Variants in GNAQ observed in about 807,000 individuals in gnomAD.
GNAQ encodes the protein guanine nucleotide-binding protein G(q) subunit alpha.
In GNAQ, 8 loss-of-function variants were observed where a neutral mutation model predicts 43.9. The observed-to-expected ratio is 0.18, with a 90% confidence interval of 0.11 to 0.33. GNAQ has a LOEUF of 0.33. GNAQ is among the 10% of genes least tolerant of loss of function. The pLI is 1.00. For missense variants in GNAQ, 158 were observed against 450.8 expected (o/e 0.35, Z 5.88); for synonymous variants, 155 against 170.7 (o/e 0.91, Z 0.71).
intron 1 of GNAQ, among the ~76,000 whole-genome samples, chr9:77,986,994 A>G (rs575265997): frequency 6.6e-6 from 1 of 152,270 alleles, no homozygotes; most frequent in East Asian, 1.9e-4. Context: ...TACATATGAA[A>G]GAAATGGTTC....
intron 1 of GNAQ, among the ~76,000 whole-genome samples, chr9:77,945,154 T>C (rs895277841): frequency 1.3e-5 from 2 of 152,268 alleles, no homozygotes; most frequent in Admixed American, 1.3e-4. Context: ...CAAATACAAA[T>C]TGGTTCTTGG....
chr9:77,776,508 T>C (rs1826308381), intron 5 of GNAQ, among the ~76,000 whole-genome samples: 1 of 152,152 alleles, frequency 6.6e-6, no homozygotes, highest in South Asian at 2.1e-4. Flanking sequence ...GTCAATCAAG[T>C]AGGCATAACA....
At chr9:77,769,637 T>C (rs1226047840) in intron 5 of GNAQ, among the ~76,000 whole-genome samples, 1 of 151,932 alleles carries the variant, frequency 6.6e-6, no homozygotes, top group Non-Finnish European at 1.5e-5. Context: ...GAATGACCCT[T>C]TTCTTTAGTA....
rs189861243 is a variant in GNAQ, at chr9:77,941,376, A to C, written c.137-19031T>G. ...GCCATTCTCCTGCCTCAGCCTCCCA[A>C]GTAGCTGGGACTACAGGCACCCACC... On this transcript the variant is annotated intron_variant, in intron 1 of 6. Transcript: ENST00000286548. Among the ~76,000 whole-genome samples, 271 of 152,148 alleles carry C rather than the reference A, an allele frequency of 1.8e-3. 7 individuals are homozygous for C. Among genetic ancestry groups the C allele is most frequent in the Admixed American group, 0.017 (264 of 15,288 alleles).
At chr9:77,749,385 T>C (rs1328526) in intron 5 of GNAQ, among the ~76,000 whole-genome samples, 109,377 of 152,036 alleles carry the variant, frequency 0.72, 39,626 homozygotes, top group Admixed American at 0.82. Context: ...GGTGGTAGAA[T>C]GTTATTCAGG....
intron 2 of GNAQ, among the ~76,000 whole-genome samples, chr9:77,820,850 A>G (rs1827102143): frequency 6.6e-6 from 1 of 152,230 alleles, no homozygotes; most frequent in Non-Finnish European, 1.5e-5. Flanking sequence ...TTCTTCATCT[A>G]TAAGATGGAA....
At chr9:77,894,548 G>A (rs1474556710) in intron 2 of GNAQ, among the ~76,000 whole-genome samples, 3 of 150,068 alleles carry the variant, frequency 2.0e-5, no homozygotes, top group African/African-American at 7.4e-5. Flanking sequence ...TCAGCCTCCC[G>A]AGTAGCTGGG....
intron 3 of GNAQ, among the ~76,000 whole-genome samples, chr9:77,800,490 G>A (rs1201348204): frequency 1.3e-5 from 2 of 151,872 alleles, no homozygotes; most frequent in Non-Finnish European, 2.9e-5. Context: ...ACCAAACACC[G>A]CATATTCTCA....
intron 5 of GNAQ, among the ~76,000 whole-genome samples, chr9:77,738,646 T>C (rs1056071039): frequency 6.6e-6 from 1 of 152,164 alleles, no homozygotes; most frequent in Admixed American, 6.5e-5. Flanking sequence ...TTTTGTACCA[T>C]TGTTGTCTCA....
chr9:77,991,652 T>C (rs532139396), intron 1 of GNAQ, among the ~76,000 whole-genome samples: 1 of 152,116 alleles, frequency 6.6e-6, no homozygotes, highest in Non-Finnish European at 1.5e-5. Context: ...TTTCTGAGAT[T>C]TTGGTGCACC....
At chr9:77,915,295 T>C (rs1433968166) in intron 2 of GNAQ, among the ~76,000 whole-genome samples, 1 of 147,454 alleles carries the variant, frequency 6.8e-6, no homozygotes, top group Non-Finnish European at 1.5e-5. Flanking sequence ...AAATACCTCC[T>C]AAATCTGGTC....
intron 2 of GNAQ, among the ~76,000 whole-genome samples, chr9:77,832,704 T>C (rs1827319347): frequency 6.6e-6 from 1 of 152,182 alleles, no homozygotes; most frequent in Non-Finnish European, 1.5e-5. Context: ...CTGGGAGCAA[T>C]TCACATGTCC....
intron 1 of GNAQ, among the ~76,000 whole-genome samples, chr9:77,962,447 C>T (rs780455087): frequency 6.6e-6 from 1 of 151,998 alleles, no homozygotes; most frequent in Non-Finnish European, 1.5e-5. Flanking sequence ...AGACACTTTA[C>T]ATGTAAAGAC....
chr9:78,021,508 A>C (rs1823908950), intron 1 of GNAQ, among the ~76,000 whole-genome samples: 1 of 152,248 alleles, frequency 6.6e-6, no homozygotes, highest in African/African-American at 2.4e-5. Context: ...CAAGAAAATA[A>C]AGGCACAGTG....
At chr9:77,726,439 A>G (rs538638025) in intron 6 of GNAQ, among the ~76,000 whole-genome samples, 14 of 152,350 alleles carry the variant, frequency 9.2e-5, no homozygotes, top group East Asian at 5.8e-4. Context: ...TTCATTTAAC[A>G]TGTAACATTT....
At chr9:77,999,446 A>G (rs979562843) in intron 1 of GNAQ, among the ~76,000 whole-genome samples, 4 of 152,232 alleles carry the variant, frequency 2.6e-5, no homozygotes, top group African/African-American at 7.2e-5. Context: ...TCAGTACTTT[A>G]AAAGCTGATA....
intron 2 of GNAQ, among the ~76,000 whole-genome samples, chr9:77,844,520 A>G (rs1402597112): frequency 1.3e-5 from 2 of 152,238 alleles, no homozygotes; most frequent in East Asian, 1.9e-4. Context: ...GCTGCTAAGT[A>G]TAAGATGGAT....
At chr9:77,963,201 T>A (rs1823127075) in intron 1 of GNAQ, among the ~76,000 whole-genome samples, 1 of 152,178 alleles carries the variant, frequency 6.6e-6, no homozygotes, top group Non-Finnish European at 1.5e-5. Flanking sequence ...GGATAGCTCA[T>A]TTTAAGAACG....
At chr9:77,731,882 T>C (rs897387565) in intron 5 of GNAQ, among the ~76,000 whole-genome samples, 3 of 152,192 alleles carry the variant, frequency 2.0e-5, no homozygotes, top group Admixed American at 6.5e-5. Context: ...CTGTGCAGAC[T>C]TCTTTTTTTC....
Sources: gnomAD v4.1 joint callset for allele counts (sites outside exome capture counted in the v4.1 genomes callset) on GRCh38, gnomAD v4.1.1 for gene constraint, MANE v1.5 for transcripts, NCBI Gene and HGNC (gene_info 2026-07-23, HGNC 2026-07-21) for gene names.